The following DIS3L2 variants were observed in gnomAD, a reference collection of about 807,000 sequenced individuals.
The protein encoded by DIS3L2 is DIS3-like exonuclease 2.
A neutral mutation model predicts 97.5 loss-of-function variants in DIS3L2; 34 were observed. That is an observed-to-expected ratio of 0.35 (90% CI 0.27 to 0.46). The LOEUF is 0.46. Among genes scored for constraint, DIS3L2 ranks in the 20% least tolerant of loss-of-function variants. DIS3L2 has a pLI of 1.00. For synonymous variants in DIS3L2, 435 were observed against 445.2 expected, an observed-to-expected ratio of 0.98 and a Z score of 0.29; for missense variants, 1,038 against 1,146.0, an observed-to-expected ratio of 0.91 and a Z score of 1.36.
chr2:232,329,788 C>CCGGGGGGG (rs1695678507), intron 14 of DIS3L2, 25 bp from the exon 15 acceptor site: 198 of 1,080,456 alleles, frequency 1.8e-4, no homozygotes, highest in Middle Eastern at 3.2e-4. Context: ...CCAGCGGTCC[C>CCGGGGGGG]TCCCATCCCA....
chr2:231,996,574 T>C (rs186564371), intron 1 of DIS3L2, among the ~76,000 whole-genome samples: 1 of 152,324 alleles, frequency 6.6e-6, no homozygotes, highest in East Asian at 1.9e-4. Context: ...GAGAGAATAG[T>C]GCATTGAGAG....
At chr2:232,193,389 T>C (rs1352090649) in intron 9 of DIS3L2, among the ~76,000 whole-genome samples, 1 of 152,256 alleles carries the variant, frequency 6.6e-6, no homozygotes, top group Admixed American at 6.5e-5. Context: ...ATAAAAGGGA[T>C]ATACAGATAA....
At chr2:231,995,162 A>G (rs773248255) in intron 1 of DIS3L2, among the ~76,000 whole-genome samples, 5 of 151,996 alleles carry the variant, frequency 3.3e-5, no homozygotes, top group Admixed American at 6.6e-5. Context: ...TCTGTACTAC[A>G]TTTTGCTATT....
chr2:232,093,009 G>A (rs1228323761), intron 6 of DIS3L2, among the ~76,000 whole-genome samples: 1 of 152,158 alleles, frequency 6.6e-6, no homozygotes, highest in African/African-American at 2.4e-5. Flanking sequence ...CATTCAGTTT[G>A]ATATTAGCTG....
chr2:232,238,636 G>T lies in DIS3L2; in HGVS notation c.1308G>T (p.Leu436Phe). 6.2e-7 allele frequency: 1 copy of T among 1,612,664 alleles called. No individual in the cohort carries two copies. Among genetic ancestry groups the T allele is most frequent in the Non-Finnish European group, 8.5e-7 (1 of 1,179,566 alleles). The part of the protein sequence containing the change: ...VAAERATSVY[L>F]VQKVVPMLPR... Reference sequence around the variant, plus strand: ...CCGAGAGGGCTACAAGCGTCTACTTGGTTCAAAAGGTAAAAATCCATCTCT... The same window carrying T: ...CCGAGAGGGCTACAAGCGTCTACTTTGTTCAAAAGGTAAAAATCCATCTCT... Residue 436 changes from leucine to phenylalanine, a missense_variant, in exon 11 of 21, where the codon TTG (leucine) becomes TTT (phenylalanine). Transcript: ENST00000325385.
intron 6 of DIS3L2, among the ~76,000 whole-genome samples, chr2:232,107,450 A>C (rs1161754581): frequency 6.6e-6 from 1 of 152,212 alleles, no homozygotes; most frequent in Non-Finnish European, 1.5e-5. Context: ...CTGTAATCCC[A>C]GCCCTTTGGG....
At chr2:232,321,449 T>C (rs560415922) in intron 14 of DIS3L2, among the ~76,000 whole-genome samples, 10 of 152,254 alleles carry the variant, frequency 6.6e-5, no homozygotes, top group Admixed American at 2.6e-4. Flanking sequence ...CATGATGTCA[T>C]GTGGGCCAAG....
At chr2:231,963,648 A>G (rs1692628962) in intron 1 of DIS3L2, among the ~76,000 whole-genome samples, 1 of 152,212 alleles carries the variant, frequency 6.6e-6, no homozygotes, top group African/African-American at 2.4e-5. Context: ...ATGGGGACTT[A>G]GCCAAAAATT....
chr2:231,970,326 T>A (rs1692865230), intron 1 of DIS3L2, among the ~76,000 whole-genome samples: 1 of 152,172 alleles, frequency 6.6e-6, no homozygotes, highest in Non-Finnish European at 1.5e-5. Context: ...TGGAGATGCA[T>A]TCTGAGAAAT....
At chr2:232,064,120 T>G (rs1414771749) in intron 5 of DIS3L2, among the ~76,000 whole-genome samples, 1 of 152,144 alleles carries the variant, frequency 6.6e-6, no homozygotes, top group Non-Finnish European at 1.5e-5. Flanking sequence ...ATCACTCCCT[T>G]TAAGTGTCCG....
chr2:231,985,325 A>G (rs1693380265), intron 1 of DIS3L2, among the ~76,000 whole-genome samples: 1 of 152,228 alleles, frequency 6.6e-6, no homozygotes, highest in Admixed American at 6.5e-5. Context: ...AAACAGAATC[A>G]TATAGTATGT....
At chr2:232,075,961 T>C (rs1010026618) in intron 5 of DIS3L2, among the ~76,000 whole-genome samples, 2 of 152,206 alleles carry the variant, frequency 1.3e-5, no homozygotes, top group Non-Finnish European at 2.9e-5. Context: ...GAAATTGAGA[T>C]TCAAAGAAAC....
intron 13 of DIS3L2, among the ~76,000 whole-genome samples, chr2:232,287,398 C>CCCCCCCCCG (rs1694472322): frequency 1.4e-5 from 1 of 69,130 alleles, no homozygotes; most frequent in Non-Finnish European, 2.9e-5. Context: ...GCCCCCCCCC[C>CCCCCCCCCG]CCCCCGCTTT....
intron 1 of DIS3L2, among the ~76,000 whole-genome samples, chr2:231,998,525 A>G (rs1693791450): frequency 6.6e-6 from 1 of 152,212 alleles, no homozygotes. Context: ...GAGACATATA[A>G]TGTTGATTTG....
At chr2:232,223,085 C>T (rs1252430871) in intron 10 of DIS3L2, among the ~76,000 whole-genome samples, 1 of 152,164 alleles carries the variant, frequency 6.6e-6, no homozygotes, top group Non-Finnish European at 1.5e-5. Context: ...CGAATTTGGA[C>T]TGTTGTGTGT....
At chr2:232,107,303 TAAG>T (rs1697382093) in intron 6 of DIS3L2, among the ~76,000 whole-genome samples, 1 of 151,930 alleles carries the variant, frequency 6.6e-6, no homozygotes, top group Non-Finnish European at 1.5e-5. Context: ...TTCAAAAAAT[TAAG>T]AAGTCCAGGA....
At chr2:232,255,385 GA>G (rs1360701205) in intron 12 of DIS3L2, among the ~76,000 whole-genome samples, 9 of 152,192 alleles carry the variant, frequency 5.9e-5, no homozygotes, top group African/African-American at 1.9e-4. Context: ...TTGAAGTGGA[GA>G]AAGCTCTGTA....
chr2:232,157,980 G>T (rs1690543790), intron 8 of DIS3L2, among the ~76,000 whole-genome samples: 1 of 152,098 alleles, frequency 6.6e-6, no homozygotes, highest in South Asian at 2.1e-4. Flanking sequence ...ATTTCAGTGG[G>T]CCCATTTCAT....
chr2:232,083,496 C>CT (rs759630455), intron 5 of DIS3L2, among the ~76,000 whole-genome samples: 15,417 of 138,680 alleles, frequency 0.11, 1,057 homozygotes, highest in African/African-American at 0.18. Flanking sequence ...TCTTCTTCTT[C>CT]TTTTTTTTTT....
Sources: gnomAD v4.1 joint callset for allele counts (sites outside exome capture counted in the v4.1 genomes callset) on GRCh38, gnomAD v4.1.1 for gene constraint, MANE v1.5 for transcripts, NCBI Gene and HGNC (gene_info 2026-07-23, HGNC 2026-07-21) for gene names.